Variants in SFSWAP observed in about 807,000 individuals in gnomAD.
SFSWAP encodes the protein splicing factor SWAP.
A neutral mutation model predicts 100.7 loss-of-function variants in SFSWAP; 17 were observed. That is an observed-to-expected ratio of 0.17 (90% CI 0.12 to 0.25). The LOEUF is 0.25. Among genes scored for constraint, SFSWAP ranks in the 10% least tolerant of loss-of-function variants. The probability of loss-of-function intolerance (pLI) is 1.00; values close to 1 mark genes in which losing one functional copy is unlikely to be tolerated. For missense variants in SFSWAP, 1,005 were observed against 1,262.6 expected (o/e 0.80, Z 3.09); for synonymous variants, 504 against 510.1 (o/e 0.99, Z 0.16).
chr12:131,793,378 C>T (rs1477393285), intron 15 of SFSWAP, among the ~76,000 whole-genome samples: 2 of 152,154 alleles, frequency 1.3e-5, no homozygotes, highest in Non-Finnish European at 2.9e-5. Context: ...GCCACAGCAC[C>T]CAGCCAGGAA....
At chr12:131,799,277 G>A (rs145148931) in intron 17 of SFSWAP, 146 bp from the exon 18 acceptor site, 9 of 1,020,800 alleles carry the variant, frequency 8.8e-6, no homozygotes, top group Middle Eastern at 2.2e-4. Flanking sequence ...CGTGTGGCCC[G>A]CACCCTGCAC....
chr12:131,721,421 G>A (rs1318758956), intron 4 of SFSWAP, among the ~76,000 whole-genome samples: 1 of 152,068 alleles, frequency 6.6e-6, no homozygotes, highest in East Asian at 1.9e-4. Context: ...TATATATATT[G>A]TATTCCTATT....
intron 15 of SFSWAP, among the ~76,000 whole-genome samples, chr12:131,793,916 G>T (rs908389411): frequency 1.3e-5 from 2 of 152,056 alleles, no homozygotes; most frequent in African/African-American, 4.8e-5. Flanking sequence ...GCTCGGGGGA[G>T]AGTGGGCACG....
intron 7 of SFSWAP, among the ~76,000 whole-genome samples, chr12:131,752,564 C>T (rs1045288340): frequency 6.6e-5 from 10 of 152,244 alleles, no homozygotes; most frequent in African/African-American, 2.4e-4. Flanking sequence ...AATTCCTGCA[C>T]AGCCTGTGTT....
chr12:131,777,978 G>A (rs1342770201), intron 13 of SFSWAP, 87 bp from the exon 14 acceptor site: 2 of 1,527,560 alleles, frequency 1.3e-6, no homozygotes, highest in Admixed American at 2.2e-5. Context: ...TTGTTGGTGT[G>A]AGGGGCCCAA....
At chr12:131,782,339 A>T (rs945459330) in intron 14 of SFSWAP, among the ~76,000 whole-genome samples, 1 of 152,204 alleles carries the variant, frequency 6.6e-6, no homozygotes, top group Non-Finnish European at 1.5e-5. Context: ...AGTGGCTTTA[A>T]AATGCAAGTT....
chr12:131,796,331 C>T (rs559293312), intron 15 of SFSWAP: 4 of 152,592 alleles, frequency 2.6e-5, no homozygotes, highest in Admixed American at 2.6e-4. Flanking sequence ...TGGAATGAAG[C>T]TAGACCAGGT....
At chr12:131,757,910 G>A (rs1882325004) in intron 11 of SFSWAP, 1 of 152,244 alleles carries the variant, frequency 6.6e-6, no homozygotes, top group African/African-American at 2.4e-5. Context: ...GAAACCCGGG[G>A]AGAGGTACTG....
intron 14 of SFSWAP, chr12:131,785,544 G>A: frequency 4.1e-6 from 1 of 244,014 alleles, no homozygotes; most frequent in Non-Finnish European, 8.0e-6. Context: ...GCTCATTGCA[G>A]GTCTTCCCAA....
chr12:131,719,595 C>T, intron 4 of SFSWAP, 56 bp downstream of exon 4: 1 of 1,351,188 alleles, frequency 7.4e-7, no homozygotes, highest in South Asian at 1.2e-5. Context: ...ATAATTCACT[C>T]CTGCTTGTGG....
Position 131,779,606 on chromosome 12 carries a change from C to T in SFSWAP, c.2408+1276C>T, listed in dbSNP as rs570811970. On this transcript the variant is annotated intron_variant, in intron 14 of 17. Coordinates refer to ENST00000261674, the MANE Select transcript of SFSWAP (RefSeq NM_004592.4). ...TGACTCTCCTCGGTTTCTCTAACGC[C>T]GCACTGACTGTGCTCATCTAGTTTT... Among the ~76,000 whole-genome samples, 42 of 147,330 alleles carry T rather than the reference C, an allele frequency of 2.9e-4. No homozygotes were observed. The East Asian group carries it at 9.9e-3, about 35-fold the overall frequency.
At chr12:131,774,056 C>G (rs1362835163) in intron 13 of SFSWAP, among the ~76,000 whole-genome samples, 2 of 152,146 alleles carry the variant, frequency 1.3e-5, no homozygotes, top group Non-Finnish European at 2.9e-5. Flanking sequence ...GCCTGGGACG[C>G]CAGAATAAGT....
rs568306024 is a variant in SFSWAP, at chr12:131,786,453, C to T, written c.2409-10C>T. ...CCACAGAGCTGAACACTGCCTCCTC[C>T]CCTGTCCAGGTCCCGCTCCCGGTCC... On this transcript the variant is annotated splice_polypyrimidine_tract_variant and intron_variant, in intron 14 of 17. Transcript: ENST00000261674. 1.3e-6 allele frequency: 2 copies of T among 1,584,574 alleles called. No homozygotes were observed. Among genetic ancestry groups the T allele is most frequent in the Non-Finnish European group, 1.7e-6 (2 of 1,166,238 alleles).
chr12:131,754,337 C>A, intron 8 of SFSWAP, 31 bp from the exon 9 acceptor site: 7 of 1,483,638 alleles, frequency 4.7e-6, no homozygotes, highest in Non-Finnish European at 5.4e-6. Context: ...GCCCCTGAAG[C>A]CCAGGGGTCT....
intron 15 of SFSWAP, among the ~76,000 whole-genome samples, chr12:131,787,794 A>G (rs1160901053): frequency 1.3e-5 from 2 of 152,212 alleles, no homozygotes; most frequent in African/African-American, 4.8e-5. Context: ...TCCTCCCCAC[A>G]GCACCCTGGG....
chr12:131,711,586 A>C lies in SFSWAP; in HGVS notation c.218+139A>C. 1.5e-6 allele frequency: 1 copy of C among 689,540 alleles called. No homozygotes were observed. Among genetic ancestry groups the C allele is most frequent in the Non-Finnish European group, 2.5e-6 (1 of 407,720 alleles). 42.7% of individuals were successfully genotyped at this position (689,540 alleles called of 1,614,324 possible). ...GGGGGACACCCCCTCCCCTGTCCCCACCTCCTCCTGGTGTTCTGGTGGGGA... is the reference window on the plus strand; with the variant it reads ...GGGGGACACCCCCTCCCCTGTCCCCCCCTCCTCCTGGTGTTCTGGTGGGGA... On this transcript the variant is annotated intron_variant, in intron 1 of 17. Coordinates refer to ENST00000261674, the MANE Select transcript of SFSWAP (RefSeq NM_004592.4). The surrounding 1 kb of genome is among the most constrained non-coding windows in gnomAD (Gnocchi z 4.9).
intron 15 of SFSWAP, among the ~76,000 whole-genome samples, chr12:131,793,879 G>T (rs1487985439): frequency 1.3e-5 from 2 of 152,084 alleles, no homozygotes; most frequent in Non-Finnish European, 2.9e-5. Context: ...CTAGACGGGG[G>T]TCACCCGTCC....
intron 7 of SFSWAP, among the ~76,000 whole-genome samples, chr12:131,738,619 A>G (rs1426417292): frequency 6.6e-6 from 1 of 152,236 alleles, no homozygotes; most frequent in African/African-American, 2.4e-5. Context: ...TTAGGAGAAC[A>G]TTGAGAGGTT....
intron 4 of SFSWAP, among the ~76,000 whole-genome samples, chr12:131,719,949 T>A (rs3996413): frequency 6.6e-6 from 1 of 152,070 alleles, no homozygotes; most frequent in South Asian, 2.1e-4. Flanking sequence ...ATTTTTGGGG[T>A]CACTTCACGT....
Sources: gnomAD v4.1 joint callset for allele counts (sites outside exome capture counted in the v4.1 genomes callset) on GRCh38, gnomAD v4.1.1 for gene constraint, Gnocchi (gnomAD v3.1) non-coding constraint, MANE v1.5 for transcripts, NCBI Gene and HGNC (gene_info 2026-07-23, HGNC 2026-07-21) for gene names.